Variants in DDX60L observed in about 807,000 individuals in gnomAD.
DDX60L encodes the protein DExD/H-box 60 like.
DDX60L carries 191 observed loss-of-function variants against 211.6 expected under a neutral mutation model. The ratio of observed to expected loss-of-function variants is 0.90; its 90% CI spans 0.80 to 1.02. The LOEUF (loss-of-function observed/expected upper bound fraction) is 1.02. DDX60L is among the 50% of genes least tolerant of loss of function. DDX60L has a pLI of 0.00. For missense variants in DDX60L, 2,007 were observed against 1,984.1 expected (o/e 1.01, Z -0.22); for synonymous variants, 706 against 694.1 (o/e 1.02, Z -0.27).
chr4:168,371,864 T>C (rs929321774), intron 35 of DDX60L, 101 bp from the exon 36 acceptor site: 8 of 1,179,110 alleles, frequency 6.8e-6, no homozygotes, highest in African/African-American at 3.1e-5. Context: ...TAAAGTACGT[T>C]CTGAAGAAGT....
chr4:168,405,592 T>C (rs939399054), intron 24 of DDX60L, among the ~76,000 whole-genome samples: 2 of 152,238 alleles, frequency 1.3e-5, no homozygotes, highest in African/African-American at 4.8e-5. Context: ...TTAGCCCCTG[T>C]ACTAATTCCT....
Position 168,445,881 on chromosome 4 carries a change from AAAATAATAAGAGCTATCT to A in DDX60L, c.1138+2739_1138+2756del, listed in dbSNP as rs1754705468. The stretch of plus-strand genomic sequence containing the variant: ...ATTAGGTATTGATGGGATGTATTTC[AAAATAATAAGAGCTATCT>A]ATGACAAACCCACAGCCAATATCAT... On this transcript the variant is annotated intron_variant, in intron 9 of 37. Coordinates refer to ENST00000682922, the MANE Select transcript of DDX60L (RefSeq NM_001012967.3). 1.8e-4 allele frequency among the ~76,000 whole-genome samples: 15 copies of A among 81,906 alleles called. No homozygotes were observed. In the South Asian group the frequency reaches 8.3e-3, roughly 45 times the overall value. The allele number at this position is 81,906 out of a possible 152,430, so 53.7% of individuals were successfully genotyped here. A position where few individuals can be genotyped will look rare whatever the true frequency, so the allele number is the denominator to read the frequency against.
chr4:168,385,577 G>T (rs1743722171), intron 29 of DDX60L, among the ~76,000 whole-genome samples: 1 of 152,136 alleles, frequency 6.6e-6, no homozygotes, highest in Non-Finnish European at 1.5e-5. Flanking sequence ...ACTGGTGTCT[G>T]AAGAGGAGGC....
At chr4:168,437,268 A>G (rs936481003) in intron 10 of DDX60L, among the ~76,000 whole-genome samples, 6 of 152,186 alleles carry the variant, frequency 3.9e-5, no homozygotes, top group Non-Finnish European at 8.8e-5. Context: ...GGTGAGGCCT[A>G]ATGTAATAAC....
At chr4:168,459,713 G>A (rs555632095) in intron 5 of DDX60L, among the ~76,000 whole-genome samples, 213 of 143,776 alleles carry the variant, frequency 1.5e-3, no homozygotes, top group African/African-American at 4.9e-3. Flanking sequence ...CCAAGATCAC[G>A]CCACTGCACT....
chr4:168,416,259 A>G (rs1285835559), intron 20 of DDX60L, among the ~76,000 whole-genome samples: 1 of 152,228 alleles, frequency 6.6e-6, no homozygotes, highest in Non-Finnish European at 1.5e-5. Flanking sequence ...ATTATTGGAT[A>G]AGGACAAAGA....
chr4:168,367,659 T>C (rs530720707), intron 36 of DDX60L, among the ~76,000 whole-genome samples: 20 of 152,184 alleles, frequency 1.3e-4, no homozygotes, highest in Admixed American at 9.8e-4. Context: ...CAGAAGAAGA[T>C]AGGAAAACGT....
intron 8 of DDX60L, 30 bp from the exon 9 acceptor site, chr4:168,448,809 A>G: frequency 6.3e-7 from 1 of 1,586,852 alleles, no homozygotes. Context: ...CATTATTAGC[A>G]GGGAGGCATG....
At chr4:168,396,479 A>G (rs1295275850) in intron 26 of DDX60L, among the ~76,000 whole-genome samples, 7 of 152,144 alleles carry the variant, frequency 4.6e-5, no homozygotes. Flanking sequence ...GGCACAGTCT[A>G]GAATTAGTTG....
At chr4:168,475,542 T>C (rs957474288) in intron 1 of DDX60L, among the ~76,000 whole-genome samples, 1 of 152,066 alleles carries the variant, frequency 6.6e-6, no homozygotes. Context: ...AGAACCAAAA[T>C]GTAAATGCTT....
intron 10 of DDX60L, among the ~76,000 whole-genome samples, chr4:168,435,709 C>A (rs1182760270): frequency 6.6e-6 from 1 of 152,096 alleles, no homozygotes; most frequent in East Asian, 1.9e-4. Flanking sequence ...CTACCCTAGC[C>A]CCATGTCATA....
chr4:168,475,701 A>G (rs898098864), intron 1 of DDX60L, among the ~76,000 whole-genome samples: 1 of 152,132 alleles, frequency 6.6e-6, no homozygotes, highest in Non-Finnish European at 1.5e-5. Context: ...AATGTTATAT[A>G]CTAAATGTTT....
intron 35 of DDX60L, among the ~76,000 whole-genome samples, chr4:168,372,069 T>C (rs1305052050): frequency 2.0e-5 from 3 of 152,260 alleles, no homozygotes; most frequent in East Asian, 3.9e-4. Context: ...CCAACTACAA[T>C]ACTGTTAGCA....
chr4:168,474,063 A>G (rs190143025), intron 1 of DDX60L, among the ~76,000 whole-genome samples: 1 of 152,302 alleles, frequency 6.6e-6, no homozygotes, highest in African/African-American at 2.4e-5. Context: ...GAAAAGGACA[A>G]AAGTAGGCTT....
At chr4:168,456,742 CA>C (rs1245113760) in intron 6 of DDX60L, among the ~76,000 whole-genome samples, 1 of 151,768 alleles carries the variant, frequency 6.6e-6, no homozygotes, top group Non-Finnish European at 1.5e-5. Flanking sequence ...AATATGTATA[CA>C]AAAAACATAT....
chr4:168,423,285 C>T (rs1429537152), intron 15 of DDX60L, among the ~76,000 whole-genome samples: 2 of 152,042 alleles, frequency 1.3e-5, no homozygotes, highest in Non-Finnish European at 2.9e-5. Context: ...CACTACATTA[C>T]AGTTTTTAGA....
chr4:168,453,068 G>A, intron 8 of DDX60L, 56 bp downstream of exon 8: 3 of 1,490,362 alleles, frequency 2.0e-6, no homozygotes, highest in Non-Finnish European at 2.7e-6. Context: ...AGTTTTAAAG[G>A]TGATCATGGT....
At chr4:168,454,514 A>C (rs1756243441) in intron 7 of DDX60L, among the ~76,000 whole-genome samples, 1 of 152,176 alleles carries the variant, frequency 6.6e-6, no homozygotes, top group Admixed American at 6.5e-5. Flanking sequence ...GTAAGCCCTA[A>C]ATGTTACCTA....
At chr4:168,477,182 A>G (rs11943645) in intron 1 of DDX60L, among the ~76,000 whole-genome samples, 1,527 of 152,208 alleles carry the variant, frequency 0.01, 25 homozygotes, top group African/African-American at 0.034. Flanking sequence ...TTGGGAGGCC[A>G]AGGCGGACGG....
Sources: gnomAD v4.1 joint callset for allele counts (sites outside exome capture counted in the v4.1 genomes callset) on GRCh38, gnomAD v4.1.1 for gene constraint, MANE v1.5 for transcripts, NCBI Gene and HGNC (gene_info 2026-07-23, HGNC 2026-07-21) for gene names.